BRDT: variants seen among roughly 807,000 people sequenced by gnomAD.
BRDT encodes the protein bromodomain testis-specific protein.
A neutral mutation model predicts 113.9 loss-of-function variants in BRDT; 77 were observed. The observed-to-expected ratio is 0.68, with a 90% CI of 0.56 to 0.82. The LOEUF (loss-of-function observed/expected upper bound fraction) is 0.82. Among genes scored for constraint, BRDT ranks in the 40% least tolerant of loss-of-function variants. The pLI is 0.00. For missense variants in BRDT, 1,027 were observed against 1,105.4 expected (o/e 0.93, Z 1.01); for synonymous variants, 358 against 366.5 (o/e 0.98, Z 0.26).
At chr1:91,992,975 C>T (rs1685939735) in intron 14 of BRDT, among the ~76,000 whole-genome samples, 1 of 152,114 alleles carries the variant, frequency 6.6e-6, no homozygotes, top group Non-Finnish European at 1.5e-5. Context: ...AGAATGCCAC[C>T]TTTTTAATGG....
intron 4 of BRDT, among the ~76,000 whole-genome samples, chr1:91,970,577 A>G (rs979585304): frequency 6.6e-6 from 1 of 152,210 alleles, no homozygotes; most frequent in Non-Finnish European, 1.5e-5. Context: ...AAGAGTGAGA[A>G]ATTGATACGT....
chr1:91,980,351 C>T (rs1404248682), intron 8 of BRDT, among the ~76,000 whole-genome samples: 1 of 151,882 alleles, frequency 6.6e-6, no homozygotes, highest in Non-Finnish European at 1.5e-5. Flanking sequence ...CAGAGCAAGA[C>T]CCTGGCTCAA....
chr1:91,952,607 C>T (rs1311950118), intron 1 of BRDT, among the ~76,000 whole-genome samples: 1 of 151,790 alleles, frequency 6.6e-6, no homozygotes, highest in South Asian at 2.1e-4. Flanking sequence ...AGATAAATGT[C>T]GAAGATACAG....
intron 15 of BRDT, 56 bp downstream of exon 15, chr1:91,994,310 C>A: frequency 1.5e-6 from 2 of 1,338,022 alleles, no homozygotes; most frequent in Non-Finnish European, 2.0e-6. Context: ...TAAACCTATA[C>A]ATATATGAAA....
chr1:91,964,082 A>G (rs1159526137), intron 2 of BRDT, among the ~76,000 whole-genome samples: 2 of 151,666 alleles, frequency 1.3e-5, no homozygotes, highest in Non-Finnish European at 2.9e-5. Flanking sequence ...GTTTTTTGAG[A>G]CAGAGTCTCG....
In BRDT at chr1:92,000,481, C is replaced by G. The variant is rs72718426; in HGVS notation, c.2288-1568C>G. ...TCTGCATTCTTTGACAGTGTTTTGT[C>G]TTGCCCTCCTATGCTCACTGCTATT... On this transcript the variant is annotated intron_variant, in intron 15 of 18. Coordinates refer to ENST00000399546, the MANE Select transcript of BRDT (RefSeq NM_207189.4). 4.1e-3 allele frequency among the ~76,000 whole-genome samples: 621 copies of G among 152,284 alleles called. 1 individual carries two copies. Among genetic ancestry groups the G allele is most frequent in the Non-Finnish European group, 6.4e-3 (436 of 68,022 alleles).
intron 15 of BRDT, among the ~76,000 whole-genome samples, chr1:91,997,174 A>G (rs964459609): frequency 6.6e-6 from 1 of 152,128 alleles, no homozygotes; most frequent in African/African-American, 2.4e-5. Context: ...TTTAAGTAGG[A>G]TGAGGAATGG....
intron 1 of BRDT, among the ~76,000 whole-genome samples, chr1:91,961,136 C>G (rs993909214): frequency 6.6e-6 from 1 of 151,846 alleles, no homozygotes; most frequent in African/African-American, 2.4e-5. Flanking sequence ...TGTAGTGAAA[C>G]CCTGCCTGTA....
intron 16 of BRDT, among the ~76,000 whole-genome samples, chr1:92,003,819 T>C (rs1025084005): frequency 7.2e-5 from 11 of 152,192 alleles, no homozygotes; most frequent in Admixed American, 3.9e-4. Flanking sequence ...AATAAATATA[T>C]TAAATTTACT....
At chr1:91,951,857 C>T (rs1293946799) in intron 1 of BRDT, among the ~76,000 whole-genome samples, 1 of 151,956 alleles carries the variant, frequency 6.6e-6, no homozygotes, top group East Asian at 1.9e-4. Context: ...ACAAGCCTGG[C>T]CAACATGGCG....
chr1:91,977,413 G>A lies in BRDT; in HGVS notation c.969+20G>A, dbSNP rs759858526. 6.9e-7 allele frequency: 1 copy of A among 1,449,710 alleles called. No individual in the cohort carries two copies. Among genetic ancestry groups the A allele is most frequent in the South Asian group, 1.5e-5 (1 of 67,096 alleles). The allele number at this position is 1,449,710 out of a possible 1,614,324, so 89.8% of individuals were successfully genotyped here. A position where few individuals can be genotyped will look rare whatever the true frequency, so the allele number is the denominator to read the frequency against. ...ATTAAGGTAAATGTTGCCTTAAAAGGAAGAACTTCTTTTTCTTGATTATAA... is the reference window on the plus strand; with the variant it reads ...ATTAAGGTAAATGTTGCCTTAAAAGAAAGAACTTCTTTTTCTTGATTATAA... On this transcript the variant is annotated intron_variant, in intron 6 of 18. Coordinates refer to ENST00000399546, the MANE Select transcript of BRDT (RefSeq NM_207189.4).
intron 18 of BRDT, among the ~76,000 whole-genome samples, chr1:92,007,305 G>A (rs1009081334): frequency 6.6e-6 from 1 of 151,938 alleles, no homozygotes; most frequent in African/African-American, 2.4e-5. Flanking sequence ...GGTGTAACGG[G>A]GGTTCGTTGT....
chr1:91,970,508 C>A (rs778828403), intron 4 of BRDT, among the ~76,000 whole-genome samples: 30 of 152,150 alleles, frequency 2.0e-4, no homozygotes, highest in Admixed American at 8.5e-4. Context: ...TTCAAACGAT[C>A]CTCATGCCTT....
At chr1:91,965,739 C>T (rs192321243) in intron 3 of BRDT, among the ~76,000 whole-genome samples, 5 of 151,898 alleles carry the variant, frequency 3.3e-5, no homozygotes, top group Non-Finnish European at 5.9e-5. Context: ...CCCAGCTACT[C>T]GGGAGGCTGA....
At chr1:92,003,633 T>G (rs1213867145) in intron 16 of BRDT, among the ~76,000 whole-genome samples, 3 of 152,216 alleles carry the variant, frequency 2.0e-5, no homozygotes, top group Non-Finnish European at 4.4e-5. Flanking sequence ...CATAACTAGT[T>G]TTTCAACTGT....
chr1:91,952,777 C>CAAAAAAA (rs66618367), intron 1 of BRDT, among the ~76,000 whole-genome samples: 1 of 74,874 alleles, frequency 1.3e-5, no homozygotes, highest in Non-Finnish European at 2.5e-5. Flanking sequence ...GACCCATCTC[C>CAAAAAAA]AAAAAAAAAA....
At chr1:91,964,475 G>C in intron 2 of BRDT, 152 bp from the exon 3 acceptor site, 1 of 455,140 alleles carries the variant, frequency 2.2e-6, no homozygotes, top group Non-Finnish European at 3.7e-6. Context: ...GACTACAGGC[G>C]TGAGCCACTG....
At chr1:91,992,412 CAAAAAAA>C (rs55996004) in intron 14 of BRDT, 98 bp downstream of exon 14, 25 of 179,236 alleles carry the variant, frequency 1.4e-4, no homozygotes, top group Non-Finnish European at 2.0e-4. Flanking sequence ...TGAAGAGAGG[CAAAAAAA>C]AAAAAAAAAA....
intron 4 of BRDT, among the ~76,000 whole-genome samples, chr1:91,970,388 T>G (rs540411689): frequency 2.0e-4 from 31 of 152,226 alleles, no homozygotes; most frequent in Admixed American, 1.6e-3. Flanking sequence ...CACTTTAGCC[T>G]CCCAAGTAGC....
Sources: gnomAD v4.1 joint callset for allele counts (sites outside exome capture counted in the v4.1 genomes callset) on GRCh38, gnomAD v4.1.1 for gene constraint, MANE v1.5 for transcripts, NCBI Gene and HGNC (gene_info 2026-07-23, HGNC 2026-07-21) for gene names.